The following MVP variants were observed in gnomAD, a reference collection of about 807,000 sequenced individuals.
The protein encoded by MVP is lung resistance-related protein.
Under a neutral mutation model 83.5 loss-of-function variants are expected in MVP, and 62 were observed. That is an observed-to-expected ratio of 0.74 (90% CI 0.61 to 0.92). MVP has a LOEUF of 0.92. Ranked by LOEUF, MVP falls within the 40% of genes least tolerant of loss-of-function variation. The pLI is 0.00. For synonymous variants in MVP, 505 were observed against 504.1 expected, an observed-to-expected ratio of 1.00 and a Z score of -0.02; for missense variants, 1,000 against 1,203.4, an observed-to-expected ratio of 0.83 and a Z score of 2.50.
At position 29,844,667 on chromosome 16, in the gene MVP, C is replaced by A; in HGVS notation, c.1809C>A (p.Val603=). The A allele has an allele frequency of 6.2e-7, 1 of 1,614,170 alleles. No individual in the cohort carries two copies. Among genetic ancestry groups the A allele is most frequent in the Non-Finnish European group, 8.5e-7 (1 of 1,180,004 alleles). ...CAGCCCGCATCATTCGCACTGCTGT[C>A]TTTGGCTTTGAGACCTCGGAAGCGA... ...KNSARIIRTA[V]FGFETSEAKG... Residue 603 remains valine, a synonymous_variant, in exon 11 of 15, where the codon GTC becomes GTA. Transcript: ENST00000357402.
rs765277499 is a variant in MVP, at chr16:29,836,800, G to A, written c.751G>A (p.Val251Ile). ...CCGCCGCACTGGGGAGGAGTGGCTG[G>A]TAACAGTGCAGGACACAGAGGCCCA... ...VSRRTGEEWL[V>I]TVQDTEAHVP... Residue 251 changes from valine to isoleucine, a missense_variant, in exon 7 of 15, where the codon GTA becomes ATA. Physicochemically the swap from Val to Ile is conservative, Grantham distance 29. Transcript: ENST00000357402. The A allele has an allele frequency of 1.2e-6, 2 of 1,613,536 alleles. No homozygotes were observed. Among genetic ancestry groups the A allele is most frequent in the South Asian group, 1.1e-5 (1 of 91,052 alleles).
intron 10 of MVP, 118 bp downstream of exon 10, chr16:29,842,230 C>A: frequency 1.0e-6 from 1 of 968,586 alleles, no homozygotes; most frequent in Non-Finnish European, 1.5e-6. Flanking sequence ...TTGATGGCCC[C>A]ACTATACTCC....
intron 1 of MVP, among the ~76,000 whole-genome samples, chr16:29,828,996 C>T (rs1046924852): frequency 4.6e-5 from 7 of 151,982 alleles, no homozygotes; most frequent in Non-Finnish European, 1.0e-4. Context: ...TCGGCCAGGC[C>T]ACTCCCTTCT....
Position 29,841,911 on chromosome 16 carries a change from G to A in MVP, c.1437-4G>A, listed in dbSNP as rs753025839. 8.1e-6 allele frequency: 13 copies of A among 1,611,854 alleles called. No homozygotes were observed. Among genetic ancestry groups the A allele is most frequent in the Non-Finnish European group, 1.0e-5 (12 of 1,180,022 alleles). ...CTGGCTCTGACCCTCGGCTGTCTCTGCAGCGTGGTCTTCGGGCCTGAGCTG... is the reference window on the plus strand; with the variant it reads ...CTGGCTCTGACCCTCGGCTGTCTCTACAGCGTGGTCTTCGGGCCTGAGCTG... On this transcript the variant is annotated splice_region_variant and splice_polypyrimidine_tract_variant and intron_variant, in intron 9 of 14. Coordinates refer to ENST00000357402, the MANE Select transcript of MVP (RefSeq NM_005115.5). The surrounding 1 kb of genome is among the most constrained non-coding windows in gnomAD (Gnocchi z 4.7).
At chr16:29,839,190 A>C (rs2067512627) in intron 7 of MVP, among the ~76,000 whole-genome samples, 1 of 152,218 alleles carries the variant, frequency 6.6e-6, no homozygotes, top group Non-Finnish European at 1.5e-5. Flanking sequence ...CTCCATCTCA[A>C]AAAAAGAAAA....
In MVP at chr16:29,840,319, C is replaced by T. The variant is rs776194835; in HGVS notation, c.1051C>T (p.His351Tyr). The T allele has an allele frequency of 1.9e-6, 3 of 1,612,700 alleles. No homozygotes were observed. Among genetic ancestry groups the T allele is most frequent in the Non-Finnish European group, 2.5e-6 (3 of 1,179,450 alleles). ...GGGGGAGGATGAGGAGAAGGTCTCACACCAGGCTGGGGACCACTGGCTCAT... is the reference window on the plus strand; with the variant it reads ...GGGGGAGGATGAGGAGAAGGTCTCATACCAGGCTGGGGACCACTGGCTCAT... Reference protein sequence around the residue: ...EEGEDEEKVSHQAGDHWLIRG... With the variant: ...EEGEDEEKVSYQAGDHWLIRG... Residue 351 changes from histidine to tyrosine, a missense_variant, in exon 8 of 15, where the codon CAC becomes TAC. His to Tyr is a moderately conservative substitution (Grantham distance 83). Coordinates refer to ENST00000357402, the MANE Select transcript of MVP (RefSeq NM_005115.5).
rs2067531055 is a variant in MVP, at chr16:29,841,114, TA to T, written c.1192-478del. On this transcript the variant is annotated intron_variant, in intron 8 of 14. Transcript: ENST00000357402. The surrounding 1 kb of genome is among the most constrained non-coding windows in gnomAD (Gnocchi z 4.7). ...ATCTTTCATTTTTTTCTGCTTCACC[TA>T]AAACCTTGACCTTGATTTGACCTCG... Among the ~76,000 whole-genome samples the T allele has an allele frequency of 1.3e-5, 2 of 151,982 alleles. No homozygotes were observed. The highest frequency in any genetic ancestry group is 4.8e-5 in the African/African-American group (2 of 41,370).
intron 7 of MVP, among the ~76,000 whole-genome samples, chr16:29,837,226 C>G (rs1039639352): frequency 2.0e-5 from 3 of 152,168 alleles, no homozygotes; most frequent in Non-Finnish European, 2.9e-5. Context: ...TACAGTCATG[C>G]GCCACTTAAT....
At chr16:29,833,261 G>GC (rs1185260991) in intron 3 of MVP, 1 of 158,074 alleles carries the variant, frequency 6.3e-6, no homozygotes, top group Non-Finnish European at 1.4e-5. Flanking sequence ...CTTCCTTTGA[G>GC]CCCCAGTTTC....
rs150458475 is a variant in MVP, at chr16:29,847,974, G to A, written c.2667G>A (p.Val889=). The change falls in exon 15 of 15, where the codon GTG becomes GTA. Residue 889 remains valine, a synonymous_variant. Coordinates refer to ENST00000357402, the MANE Select transcript of MVP (RefSeq NM_005115.5). ...AAGCTCCTGGAGACAACCACGTGGT[G>A]CCTGTACTGCGCTAACTCCTGATTA... The part of the protein sequence containing the change: ...APQAPGDNHV[V]PVLR 11 of 1,608,144 alleles carry A rather than the reference G, an allele frequency of 6.8e-6. No individual in the cohort carries two copies. Among genetic ancestry groups the A allele is most frequent in the Admixed American group, 3.5e-5 (2 of 57,456 alleles).
intron 1 of MVP, among the ~76,000 whole-genome samples, chr16:29,821,989 GC>G (rs2067365249): frequency 6.6e-6 from 1 of 152,172 alleles, no homozygotes; most frequent in South Asian, 2.1e-4. Flanking sequence ...ACTTTGGGAG[GC>G]CCGAATGGGA....
chr16:29,839,016 G>A (rs761231172), intron 7 of MVP, among the ~76,000 whole-genome samples: 75 of 152,100 alleles, frequency 4.9e-4, no homozygotes, highest in African/African-American at 1.5e-3. Flanking sequence ...GTGAAGCCCC[G>A]TCTCTGTTAA....
intron 1 of MVP, among the ~76,000 whole-genome samples, chr16:29,823,507 A>T (rs536533057): frequency 3.6e-4 from 55 of 152,148 alleles, no homozygotes; most frequent in Non-Finnish European, 6.9e-4. Context: ...GCTGGCAGTG[A>T]TAAAACCTGC....
At chr16:29,837,048 C>A in intron 7 of MVP, 90 bp downstream of exon 7, 2 of 1,215,664 alleles carry the variant, frequency 1.6e-6, no homozygotes, top group Non-Finnish European at 1.1e-6. Context: ...CCTCCAGACG[C>A]ACGTTCTAGG....
chr16:29,843,926 T>C (rs2067559105), intron 10 of MVP, among the ~76,000 whole-genome samples: 2 of 152,176 alleles, frequency 1.3e-5, no homozygotes, highest in African/African-American at 4.8e-5. Flanking sequence ...CTCCCAAGCA[T>C]GTCCCTCACC....
chr16:29,832,105 T>A (rs1392658325), intron 3 of MVP, among the ~76,000 whole-genome samples: 1 of 151,818 alleles, frequency 6.6e-6, no homozygotes. Context: ...CTTACTGACT[T>A]TACTAACCAG....
At chr16:29,839,056 G>A (rs2067511469) in intron 7 of MVP, among the ~76,000 whole-genome samples, 1 of 152,004 alleles carries the variant, frequency 6.6e-6, no homozygotes, top group Admixed American at 6.6e-5. Context: ...ATGATGGCGG[G>A]TGCCTGTAAT....
chr16:29,835,705 G>A lies in MVP; in HGVS notation c.579G>A (p.Gly193=), dbSNP rs765747127. The A allele has an allele frequency of 1.9e-6, 3 of 1,613,708 alleles. No individual in the cohort carries two copies. The highest frequency in any genetic ancestry group is 2.5e-6 in the Non-Finnish European group (3 of 1,179,872). ...CCTTACCCTCCACTCTTGGCCCAGG[G>A]GAAGAATGGCTGGTCACCACAGTAG... ...WDRDGKERVT[G]EEWLVTTVGA... The change falls in exon 6 of 15, where the codon GGG becomes GGA. Residue 193 remains glycine, a splice_region_variant and synonymous_variant. Transcript: ENST00000357402.
At chr16:29,821,070 T>A (rs1393068415) in intron 1 of MVP, 1 of 152,252 alleles carries the variant, frequency 6.6e-6, no homozygotes, top group African/African-American at 2.4e-5. Context: ...GCGTAGAATT[T>A]AGTGACCAAG....
Sources: gnomAD v4.1 joint callset for allele counts (sites outside exome capture counted in the v4.1 genomes callset) on GRCh38, gnomAD v4.1.1 for gene constraint, Gnocchi (gnomAD v3.1) non-coding constraint, MANE v1.5 for transcripts, NCBI Gene and HGNC (gene_info 2026-07-23, HGNC 2026-07-21) for gene names.